MEGF6: variants seen among roughly 807,000 people sequenced by gnomAD.
MEGF6 encodes multiple epidermal growth factor-like domains protein 6.
Under a neutral mutation model 207.1 loss-of-function variants are expected in MEGF6, and 184 were observed. The ratio of observed to expected loss-of-function variants is 0.89; its 90% CI spans 0.79 to 1.00. The LOEUF (loss-of-function observed/expected upper bound fraction) is 1.00, where lower values mean the gene tolerates loss of function less well. MEGF6 is among the 50% of genes least tolerant of loss of function. The pLI, the probability that MEGF6 is intolerant of heterozygous loss-of-function variation, is 0.00. For synonymous variants in MEGF6, 1,038 were observed against 910.0 expected, an observed-to-expected ratio of 1.14 and a Z score of -2.53; for missense variants, 2,282 against 2,202.9, an observed-to-expected ratio of 1.04 and a Z score of -0.72.
chr1:3,607,384 T>C (rs1043477573), intron 1 of MEGF6, among the ~76,000 whole-genome samples: 7 of 152,182 alleles, frequency 4.6e-5, no homozygotes, highest in African/African-American at 1.7e-4. Context: ...AGCCAGGCTG[T>C]GGTCCCTGAA....
In MEGF6 at chr1:3,491,915, G is replaced by A. The variant is rs575633245; in HGVS notation, c.4516+724C>T. The stretch of plus-strand genomic sequence containing the variant: ...GGTGCTAAGGAGCCACCCTCACACA[G>A]GTGCTGGAGCACGCTCACACATGCC... On this transcript the variant is annotated intron_variant, in intron 35 of 36. Transcript: ENST00000356575. Among the ~76,000 whole-genome samples the A allele has an allele frequency of 1.2e-3, 184 of 151,586 alleles. 1 individual carries two copies. Among genetic ancestry groups the A allele is most frequent in the South Asian group, 6.6e-3 (31 of 4,672 alleles).
chr1:3,620,807 T>C, the MEGF6 span, among the ~76,000 whole-genome samples: 1 of 152,206 alleles, frequency 6.6e-6, no homozygotes, highest in Non-Finnish European at 1.5e-5. Flanking sequence ...CAGCCCCGAA[T>C]GCCTGGCTGC....
intron 2 of MEGF6, among the ~76,000 whole-genome samples, chr1:3,598,687 C>G (rs963968769): frequency 6.6e-6 from 1 of 150,764 alleles, no homozygotes; most frequent in Non-Finnish European, 1.5e-5. Flanking sequence ...AGCTGGTTCA[C>G]GCAGGGCGGG....
chr1:3,542,219 G>A (rs1254556226), intron 4 of MEGF6, among the ~76,000 whole-genome samples: 1 of 150,294 alleles, frequency 6.7e-6, no homozygotes, highest in African/African-American at 2.4e-5. Flanking sequence ...GCCTGGATGG[G>A]TGGGGTCCAC....
intron 18 of MEGF6, among the ~76,000 whole-genome samples, 153 bp downstream of exon 18, chr1:3,501,643 C>G (rs539497202): frequency 2.6e-5 from 4 of 152,212 alleles, no homozygotes; most frequent in South Asian, 2.1e-4. Flanking sequence ...ACAGACCCCC[C>G]CTCCCTACCC....
intron 4 of MEGF6, among the ~76,000 whole-genome samples, chr1:3,564,388 T>C (rs1643289550): frequency 6.6e-6 from 1 of 151,724 alleles, no homozygotes; most frequent in African/African-American, 2.4e-5. Context: ...TCTTTAGCCC[T>C]GGGGGAGCTG....
chr1:3,586,625 G>A (rs1557798085), intron 3 of MEGF6, among the ~76,000 whole-genome samples: 1 of 152,184 alleles, frequency 6.6e-6, no homozygotes, highest in Admixed American at 6.5e-5. Context: ...AGCCTGGGGG[G>A]CCAGCTCAGC....
chr1:3,524,336 C>T, intron 4 of MEGF6, 90 bp from the exon 5 acceptor site: 1 of 1,536,704 alleles, frequency 6.5e-7, no homozygotes, highest in South Asian at 1.2e-5. Flanking sequence ...GGCCCAGACC[C>T]AGGTCCCTCC....
At position 3,516,016 on chromosome 1, in the gene MEGF6, C is replaced by T. The variant is rs554516140; in HGVS notation, c.605-489G>A. Among the ~76,000 whole-genome samples the T allele has an allele frequency of 1.5e-4, 23 of 152,342 alleles. 1 individual carries two copies. The highest frequency in any genetic ancestry group is 1.2e-3 in the Admixed American group (18 of 15,312). ...AGGGTGGGGGCAGATGTGGGGATGC[C>T]GTGGACAGCTGCCATGGGCCACAGG... is the stretch of plus-strand genomic sequence containing the variant. On this transcript the variant is annotated intron_variant, in intron 5 of 36. Transcript: ENST00000356575.
At chr1:3,524,088 C>T (rs1641867525) in intron 5 of MEGF6, 36 bp downstream of exon 5, 3 of 1,600,306 alleles carry the variant, frequency 1.9e-6, no homozygotes, top group Non-Finnish European at 2.6e-6. Flanking sequence ...ATGGCTGAAG[C>T]CAGGAGCCCA....
rs563616601 is a variant in MEGF6 at position 3,604,436 on chromosome 1, C to T, written c.132-1836G>A. On this transcript the variant is annotated intron_variant, in intron 1 of 36. Coordinates refer to ENST00000356575, the MANE Select transcript of MEGF6 (RefSeq NM_001409.4). ...CCGGCAGCTGCAGCCGAGAAGCCTC[C>T]GCAGCAATGGGGACCCTCCAGCTAG... Among the ~76,000 whole-genome samples, 4 of 152,304 alleles carry T rather than the reference C, an allele frequency of 2.6e-5. No individual in the cohort carries two copies. In the East Asian group the frequency reaches 7.7e-4, roughly 29 times the overall value.
intron 3 of MEGF6, among the ~76,000 whole-genome samples, chr1:3,580,942 G>A (rs1643782287): frequency 6.6e-6 from 1 of 152,218 alleles, no homozygotes; most frequent in Middle Eastern, 3.4e-3. Context: ...AGACAAGGGG[G>A]CCCTGCCGGT....
rs1012822710 is a variant in MEGF6, at chr1:3,601,628, C to G, written c.266+838G>C. 5.5e-4 allele frequency among the ~76,000 whole-genome samples: 84 copies of G among 152,208 alleles called. 3 individuals are homozygous for G. Among genetic ancestry groups the G allele is most frequent in the East Asian group, 1.9e-4 (1 of 5,192 alleles). ...CCAGCTCACCTGTCACCAAACCTGA[C>G]TCCACATCTCCACTGTCCCGGGGTA... On this transcript the variant is annotated intron_variant, in intron 2 of 36. Transcript: ENST00000356575.
rs1207269329 is a variant in MEGF6, at chr1:3,496,757, C to G, written c.3640G>C (p.Gly1214Arg). ...QRCPPGRYGP[G>R]CEQLCGCLNG... ...AGACACCCACACAGCTGTTCACAGC[C>G]TGGCCCATACCGCCCGGGCGGACAT... is the stretch of plus-strand genomic sequence containing the variant. Residue 1214 changes from glycine (G) to arginine (R), a missense_variant, in exon 29 of 37, where the codon GGC (glycine) becomes CGC (arginine). By Grantham distance (125) the Gly-to-Arg change is moderately radical. Transcript: ENST00000356575. 1 of 1,559,840 alleles carries G rather than the reference C, an allele frequency of 6.4e-7. No homozygotes were observed. Among genetic ancestry groups the G allele is most frequent in the African/African-American group, 1.4e-5 (1 of 73,636 alleles).
At chr1:3,596,707 G>A (rs1279488790) in intron 2 of MEGF6, among the ~76,000 whole-genome samples, 5 of 136,080 alleles carry the variant, frequency 3.7e-5, no homozygotes, top group East Asian at 2.3e-4. Context: ...GGCACCCCGC[G>A]CCATCCCCTG....
intron 4 of MEGF6, among the ~76,000 whole-genome samples, chr1:3,545,099 C>G (rs1191755214): frequency 6.6e-6 from 1 of 152,122 alleles, no homozygotes; most frequent in Non-Finnish European, 1.5e-5. Context: ...GGCCCCCACC[C>G]CATCAGTTAC....
At chr1:3,539,700 G>A (rs771541612) in intron 4 of MEGF6, among the ~76,000 whole-genome samples, 23 of 152,170 alleles carry the variant, frequency 1.5e-4, no homozygotes, top group African/African-American at 4.1e-4. Context: ...TGGGCGCCTC[G>A]GTTTCCCCAG....
At chr1:3,578,623 A>G (rs1643708222) in intron 4 of MEGF6, among the ~76,000 whole-genome samples, 1 of 152,114 alleles carries the variant, frequency 6.6e-6, no homozygotes, top group South Asian at 2.1e-4. Context: ...CCCAGCATCC[A>G]GGAAGCAGCA....
upstream of MEGF6, among the ~76,000 whole-genome samples, chr1:3,613,259 G>A (rs2101924925): frequency 6.6e-6 from 1 of 152,270 alleles, no homozygotes; most frequent in East Asian, 1.9e-4. Context: ...CCAAGCCTGG[G>A]TTTGGGGGCT....
Sources: allele counts gnomAD v4.1 joint callset (sites outside exome capture counted in the v4.1 genomes callset), GRCh38; gene constraint gnomAD v4.1.1; transcripts MANE v1.5; gene names NCBI Gene and HGNC (gene_info 2026-07-23, HGNC 2026-07-21).